SNTB1: variants seen among roughly 807,000 people sequenced by gnomAD.
SNTB1 encodes the protein beta-1-syntrophin.
A neutral mutation model predicts 48.9 loss-of-function variants in SNTB1; 36 were observed. That is an observed-to-expected ratio of 0.74 (90% CI 0.56 to 0.97). The LOEUF (loss-of-function observed/expected upper bound fraction) is 0.97. Ranked by LOEUF, SNTB1 falls within the 50% of genes least tolerant of loss-of-function variation. SNTB1 has a pLI of 0.00. For missense variants in SNTB1, 786 were observed against 703.4 expected, an observed-to-expected ratio of 1.12 and a Z score of -1.33; for synonymous variants, 299 against 294.6, an observed-to-expected ratio of 1.01 and a Z score of -0.15.
intron 6 of SNTB1, chr8:120,541,160 A>G (rs552556628): frequency 6.6e-6 from 1 of 152,356 alleles, no homozygotes; most frequent in African/African-American, 2.4e-5. Context: ...TATGGCAGGC[A>G]GAAACCATCT....
chr8:120,557,694 A>C (rs1420425394), intron 4 of SNTB1, among the ~76,000 whole-genome samples: 1 of 152,130 alleles, frequency 6.6e-6, no homozygotes, highest in Non-Finnish European at 1.5e-5. Context: ...GATCTCTCTT[A>C]CTAGACCTTG....
chr8:120,641,256 C>G (rs371989057), intron 2 of SNTB1, among the ~76,000 whole-genome samples: 36 of 152,318 alleles, frequency 2.4e-4, no homozygotes, highest in African/African-American at 8.2e-4. Flanking sequence ...GAGATCTCAG[C>G]TTGCTTTTCT....
At chr8:120,734,868 T>A (rs1818916454) in intron 1 of SNTB1, among the ~76,000 whole-genome samples, 1 of 152,136 alleles carries the variant, frequency 6.6e-6, no homozygotes, top group African/African-American at 2.4e-5. Flanking sequence ...TCTGAGAGGG[T>A]CCAGATGGTT....
intron 2 of SNTB1, among the ~76,000 whole-genome samples, chr8:120,678,523 A>T (rs1587083116): frequency 1.3e-5 from 2 of 152,196 alleles, no homozygotes. Flanking sequence ...GAGCCTCTCA[A>T]TTGTCACTTC....
chr8:120,645,326 G>A (rs890651647), intron 2 of SNTB1, among the ~76,000 whole-genome samples: 5 of 149,856 alleles, frequency 3.3e-5, no homozygotes, highest in African/African-American at 1.2e-4. Flanking sequence ...AATCCATATT[G>A]AATTGATTTT....
At chr8:120,667,827 G>C (rs184968832) in intron 2 of SNTB1, among the ~76,000 whole-genome samples, 1 of 152,126 alleles carries the variant, frequency 6.6e-6, no homozygotes, top group South Asian at 2.1e-4. Flanking sequence ...GGCAGGACTG[G>C]AGTGGTATTC....
chr8:120,571,411 C>T, intron 4 of SNTB1: 2 of 1,094,634 alleles, frequency 1.8e-6, no homozygotes, highest in Non-Finnish European at 2.5e-6. Context: ...GCCGAATTCT[C>T]ATGGACCCCA....
intron 2 of SNTB1, among the ~76,000 whole-genome samples, chr8:120,681,107 T>C (rs192311027): frequency 1.4e-4 from 22 of 152,204 alleles, no homozygotes; most frequent in Non-Finnish European, 2.8e-4. Context: ...TGCTGAAGTT[T>C]ATCTAGGAAG....
At chr8:120,721,845 G>A (rs1011280091) in intron 1 of SNTB1, among the ~76,000 whole-genome samples, 7 of 151,828 alleles carry the variant, frequency 4.6e-5, no homozygotes, top group South Asian at 2.1e-4. Context: ...CCATCGACCC[G>A]TCATTTACAT....
intron 3 of SNTB1, among the ~76,000 whole-genome samples, chr8:120,584,357 C>T (rs11992103): frequency 0.04 from 5,583 of 141,050 alleles, 374 homozygotes; most frequent in African/African-American, 0.14. Flanking sequence ...CAGAGTTGCT[C>T]GAACCCAGGA....
chr8:120,573,253 T>C (rs1264358151), intron 4 of SNTB1, among the ~76,000 whole-genome samples: 2 of 152,206 alleles, frequency 1.3e-5, no homozygotes, highest in African/African-American at 4.8e-5. Flanking sequence ...TTTTTGACAA[T>C]AGCCATCCTA....
intron 1 of SNTB1, among the ~76,000 whole-genome samples, chr8:120,737,205 T>C (rs1207052200): frequency 1.3e-5 from 2 of 152,182 alleles, no homozygotes; most frequent in Non-Finnish European, 2.9e-5. Flanking sequence ...ACAAATGTTG[T>C]CCCATTTAAT....
chr8:120,567,446 G>T (rs1815772068), intron 4 of SNTB1, among the ~76,000 whole-genome samples: 1 of 150,124 alleles, frequency 6.7e-6, no homozygotes, highest in Non-Finnish European at 1.5e-5. Flanking sequence ...AAGAGACAGG[G>T]TCTTGCTCTG....
intron 2 of SNTB1, among the ~76,000 whole-genome samples, chr8:120,682,167 T>A (rs892335820): frequency 1.3e-5 from 2 of 151,962 alleles, no homozygotes; most frequent in Admixed American, 1.3e-4. Flanking sequence ...AGCCTCAACA[T>A]CCTTCTAACA....
chr8:120,744,984 C>G (rs1819102407), intron 1 of SNTB1, among the ~76,000 whole-genome samples: 1 of 152,174 alleles, frequency 6.6e-6, no homozygotes, highest in South Asian at 2.1e-4. Flanking sequence ...CATCGTCTTT[C>G]TTGATGTCCT....
intron 3 of SNTB1, among the ~76,000 whole-genome samples, chr8:120,609,922 C>T (rs967641078): frequency 3.9e-5 from 6 of 152,096 alleles, no homozygotes; most frequent in South Asian, 2.1e-4. Flanking sequence ...TGAAAAGGTG[C>T]GCATGCAATT....
chr8:120,734,671 T>A (rs1818912872), intron 1 of SNTB1, among the ~76,000 whole-genome samples: 1 of 152,034 alleles, frequency 6.6e-6, no homozygotes, highest in Non-Finnish European at 1.5e-5. Context: ...CAATCTAGGG[T>A]TTACCCCAGA....
intron 1 of SNTB1, among the ~76,000 whole-genome samples, chr8:120,715,690 A>G (rs769946948): frequency 5.3e-5 from 8 of 152,262 alleles, no homozygotes; most frequent in Non-Finnish European, 1.2e-4. Flanking sequence ...CAAAGGGTCC[A>G]ATTGCCAGAG....
In SNTB1 at chr8:120,773,408, C is replaced by T. The variant is rs1241431446; in HGVS notation, c.571+37865G>A. ...AAAGAGAGATTGGCATGGATGTGAG[C>T]ATGGAGCAGTACCCTGGAAGAATTC... is the stretch of plus-strand genomic sequence containing the variant. On this transcript the variant is annotated intron_variant, in intron 1 of 6. Transcript: ENST00000517992. 2.6e-5 allele frequency among the ~76,000 whole-genome samples: 4 copies of T among 152,168 alleles called. No homozygotes were observed. In the East Asian group the frequency reaches 7.7e-4, roughly 29 times the overall value.
Sources: allele counts gnomAD v4.1 joint callset (sites outside exome capture counted in the v4.1 genomes callset), GRCh38; gene constraint gnomAD v4.1.1; transcripts MANE v1.5; gene names NCBI Gene and HGNC (gene_info 2026-07-23, HGNC 2026-07-21).